MEGF11: variants seen among roughly 807,000 people sequenced by gnomAD.
MEGF11 encodes multiple epidermal growth factor-like domains protein 11.
Under a neutral mutation model 146.6 loss-of-function variants are expected in MEGF11, and 126 were observed. The ratio of observed to expected loss-of-function variants is 0.86; its 90% CI spans 0.74 to 1.00. MEGF11 has a LOEUF of 1.00. Among genes scored for constraint, MEGF11 ranks in the 50% least tolerant of loss-of-function variants. The pLI is 0.00. For synonymous variants in MEGF11, 532 were observed against 583.4 expected, an observed-to-expected ratio of 0.91 and a Z score of 1.27; for missense variants, 1,509 against 1,521.2, an observed-to-expected ratio of 0.99 and a Z score of 0.13.
chr15:66,156,082 T>A lies in MEGF11; in HGVS notation c.-8-27671A>T, dbSNP rs377034448. 6.0e-4 allele frequency among the ~76,000 whole-genome samples: 92 copies of A among 152,274 alleles called. 2 individuals are homozygous for A. The South Asian group carries it at 0.019, about 31-fold the overall frequency. On this transcript the variant is annotated intron_variant, in intron 1 of 25. Coordinates refer to ENST00000395614, the MANE Select transcript of MEGF11 (RefSeq NM_001385028.1). The stretch of plus-strand genomic sequence containing the variant: ...AGGGTCTCGATGGCCACACCTGCAC[T>A]TGGGGACACATCTGATCCCCTCAGC...
intron 13 of MEGF11, 30 bp from the exon 14 acceptor site, chr15:65,922,999 G>A (rs2079231105): frequency 1.2e-6 from 2 of 1,605,876 alleles, no homozygotes; most frequent in South Asian, 1.1e-5. Flanking sequence ...TCGGGTCAGT[G>A]GTAAGAGAGG....
intron 5 of MEGF11, among the ~76,000 whole-genome samples, chr15:66,075,226 C>T (rs192687588): frequency 6.6e-6 from 1 of 152,274 alleles, no homozygotes; most frequent in East Asian, 1.9e-4. Context: ...ATATCAGGCC[C>T]CTAATAAATG....
At chr15:66,010,161 T>A (rs1304053876) in intron 5 of MEGF11, among the ~76,000 whole-genome samples, 2 of 126,154 alleles carry the variant, frequency 1.6e-5, no homozygotes, top group African/African-American at 3.0e-5. Flanking sequence ...GCTGATTAGC[T>A]AAAAAAAAAA....
chr15:66,105,799 T>C, intron 4 of MEGF11, among the ~76,000 whole-genome samples: 1 of 152,220 alleles, frequency 6.6e-6, no homozygotes, highest in Non-Finnish European at 1.5e-5. Context: ...TGATTTCCTA[T>C]CAGGCCTCCG....
intron 5 of MEGF11, among the ~76,000 whole-genome samples, chr15:66,051,486 A>G (rs746030813): frequency 6.6e-6 from 1 of 152,212 alleles, no homozygotes; most frequent in Non-Finnish European, 1.5e-5. Flanking sequence ...AACTCCATCC[A>G]GGGAAGAAAA....
intron 4 of MEGF11, among the ~76,000 whole-genome samples, chr15:66,096,150 TCCC>T (rs2086543540): frequency 6.6e-6 from 1 of 152,062 alleles, no homozygotes; most frequent in Non-Finnish European, 1.5e-5. Context: ...CTGTCCCTCA[TCCC>T]CACCCCCACA....
At chr15:66,151,454 C>T (rs2141038337) in intron 1 of MEGF11, among the ~76,000 whole-genome samples, 1 of 152,282 alleles carries the variant, frequency 6.6e-6, no homozygotes, top group Non-Finnish European at 1.5e-5. Flanking sequence ...TTCCACTCTG[C>T]CACCAGTCAC....
intron 5 of MEGF11, among the ~76,000 whole-genome samples, chr15:66,032,271 C>T (rs779860315): frequency 7.2e-5 from 11 of 152,190 alleles, no homozygotes; most frequent in Non-Finnish European, 1.3e-4. Context: ...ATTACCCAGT[C>T]TGTGGTATTC....
At chr15:65,931,034 A>G (rs1211575279) in intron 10 of MEGF11, 91 bp from the exon 11 acceptor site, 2 of 1,351,852 alleles carry the variant, frequency 1.5e-6, no homozygotes, top group African/African-American at 3.0e-5. Flanking sequence ...TGCCCCCAAC[A>G]TGTCCATGTC....
chr15:65,965,323 C>G lies in MEGF11; in HGVS notation c.900-203G>C, dbSNP rs148871981. The G allele has an allele frequency of 1.4e-4, 68 of 498,586 alleles. No homozygotes were observed. In the East Asian group the frequency reaches 2.2e-3, roughly 16 times the overall value. 30.9% of individuals were successfully genotyped at this position (498,586 alleles called of 1,614,324 possible). ...GCCCCAGTCATTTCTGCCTTTCATG[C>G]CAGGTCGGCTCAGTCCCCCCAGCAA... On this transcript the variant is annotated intron_variant, in intron 8 of 25. Transcript: ENST00000395614.
In MEGF11 at chr15:65,912,180, G is replaced by C. The variant is rs1034536154; in HGVS notation, c.2731C>G (p.His911Asp). ...CTGGAATTGGAAAAGCAGTGGGCATGGCTGCTACTTTGAGACAAATCTGGG... is the reference window on the plus strand; with the variant it reads ...CTGGAATTGGAAAAGCAGTGGGCATCGCTGCTACTTTGAGACAAATCTGGG... The part of the protein sequence containing the change: ...SLSDLSQSSS[H>D]AHCFSNSSYH... The change falls in exon 21 of 26, where the codon CAT (histidine) becomes GAT (aspartate). Residue 911 changes from histidine (H) to aspartate (D), a missense_variant. His to Asp is a moderately conservative substitution (Grantham distance 81). Transcript: ENST00000395614. The C allele has an allele frequency of 1.6e-6, 2 of 1,232,384 alleles. No homozygotes were observed. The highest frequency in any genetic ancestry group is 2.0e-6 in the Non-Finnish European group (2 of 988,282). 76.3% of individuals were successfully genotyped at this position (1,232,384 alleles called of 1,614,324 possible). A position where few individuals can be genotyped will look rare whatever the true frequency, so the allele number is the denominator to read the frequency against.
At chr15:66,083,393 CA>C (rs1228875033) in intron 5 of MEGF11, among the ~76,000 whole-genome samples, 1 of 152,190 alleles carries the variant, frequency 6.6e-6, no homozygotes, top group East Asian at 1.9e-4. Context: ...GAGTCTCTAG[CA>C]AAAGTCTTTT....
At chr15:66,002,357 G>C (rs333544) in intron 5 of MEGF11, among the ~76,000 whole-genome samples, 1 of 152,068 alleles carries the variant, frequency 6.6e-6, no homozygotes, top group African/African-American at 2.4e-5. Flanking sequence ...GGGTGAGGAC[G>C]GGGGTGGAGT....
rs754804081 is a variant in MEGF11 at position 66,119,217 on chromosome 15, G to A, written c.201-31C>T. The A allele has an allele frequency of 1.9e-5, 27 of 1,451,948 alleles. No homozygotes were observed. In the East Asian group the frequency reaches 5.7e-4, roughly 31 times the overall value. The allele number at this position is 1,451,948 out of a possible 1,614,324, so 89.9% of individuals were successfully genotyped here. A position where few individuals can be genotyped will look rare whatever the true frequency, so the allele number is the denominator to read the frequency against. On this transcript the variant is annotated intron_variant, in intron 3 of 25. Transcript: ENST00000395614. ...GCACAAGGGAGAAAGCCACTTGAAA[G>A]TATTGAAAATCAATCACTCCCATTT...
intron 1 of MEGF11, among the ~76,000 whole-genome samples, chr15:66,130,668 G>GGAAA (rs1400991646): frequency 1.4e-5 from 2 of 146,412 alleles, no homozygotes; most frequent in South Asian, 2.2e-4. Context: ...GAGAAAGGAA[G>GGAAA]GAAGGAAAAG....
At chr15:65,899,062 G>T in intron 24 of MEGF11, 128 bp from the exon 25 acceptor site, 2 of 869,276 alleles carry the variant, frequency 2.3e-6, no homozygotes, top group Admixed American at 5.6e-5. Flanking sequence ...GATAATCCAA[G>T]ATTTATTTAC....
intron 1 of MEGF11, among the ~76,000 whole-genome samples, chr15:66,220,326 T>C (rs943433362): frequency 6.6e-6 from 1 of 151,954 alleles, no homozygotes; most frequent in African/African-American, 2.4e-5. Flanking sequence ...CAATAAAAAT[T>C]AATGAATTGA....
At chr15:65,898,582 GA>G in intron 25 of MEGF11, 145 bp downstream of exon 25, 2 of 1,449,540 alleles carry the variant, frequency 1.4e-6, no homozygotes, top group Middle Eastern at 5.1e-4. Flanking sequence ...GTAGTCCTAG[GA>G]AAGACAGTTC....
intron 10 of MEGF11, among the ~76,000 whole-genome samples, chr15:65,948,715 A>G (rs2080286685): frequency 6.6e-6 from 1 of 152,238 alleles, no homozygotes; most frequent in Non-Finnish European, 1.5e-5. Flanking sequence ...ACTACAGCAT[A>G]GTGCCATTAA....
Sources: allele counts gnomAD v4.1 joint callset (sites outside exome capture counted in the v4.1 genomes callset), GRCh38; gene constraint gnomAD v4.1.1; transcripts MANE v1.5; gene names NCBI Gene and HGNC (gene_info 2026-07-23, HGNC 2026-07-21).